NDUFS4: variants seen among roughly 807,000 people sequenced by gnomAD.
NDUFS4 encodes the protein NADH dehydrogenase [ubiquinone] iron-sulfur protein 4, mitochondrial.
In NDUFS4, 28 loss-of-function variants were observed where a neutral mutation model predicts 24.3. That is an observed-to-expected ratio of 1.15 (90% CI 0.85 to 1.58). NDUFS4 has a LOEUF of 1.58. Among genes scored for constraint, NDUFS4 ranks in the 40% most tolerant of loss-of-function variants. The pLI is 0.00. For missense variants in NDUFS4, 223 were observed against 207.9 expected (o/e 1.07, Z -0.45); for synonymous variants, 93 against 69.7 (o/e 1.34, Z -1.67).
chr5:53,602,008 A>T (rs1188440452), intron 1 of NDUFS4, among the ~76,000 whole-genome samples: 4 of 152,208 alleles, frequency 2.6e-5, no homozygotes, highest in Non-Finnish European at 4.4e-5. Flanking sequence ...GTTCAGTTCT[A>T]TTAACAATTT....
At chr5:53,590,709 T>C (rs569852015) in intron 1 of NDUFS4, among the ~76,000 whole-genome samples, 1 of 152,366 alleles carries the variant, frequency 6.6e-6, no homozygotes, top group South Asian at 2.1e-4. Flanking sequence ...TGTGTCTTTA[T>C]TGGTGTTGTA....
rs73754281 is a variant in NDUFS4, at chr5:53,653,153, T to A, written c.351-5398T>A. ...AAAATGTGACTTCTGTGTTAAATTT[T>A]AAAAATGTTTTTTTTGTTAGAAAAT... On this transcript the variant is annotated intron_variant, in intron 3 of 4. Coordinates refer to ENST00000296684, the MANE Select transcript of NDUFS4 (RefSeq NM_002495.4). Among the ~76,000 whole-genome samples the A allele has an allele frequency of 8.0e-3, 1,125 of 140,148 alleles. 16 individuals carry two copies. Among genetic ancestry groups the A allele is most frequent in the African/African-American group, 0.032 (1,074 of 33,508 alleles). The allele number at this position is 140,148 out of a possible 152,430, so 91.9% of individuals were successfully genotyped here. A position where few individuals can be genotyped will look rare whatever the true frequency, so the allele number is the denominator to read the frequency against.
intron 1 of NDUFS4, among the ~76,000 whole-genome samples, chr5:53,602,342 T>A (rs1413440135): frequency 6.6e-6 from 1 of 152,204 alleles, no homozygotes; most frequent in Non-Finnish European, 1.5e-5. Context: ...ACATTTTGTG[T>A]AGGTATATTT....
chr5:53,610,254 C>G (rs1750653790), intron 2 of NDUFS4, among the ~76,000 whole-genome samples: 1 of 152,008 alleles, frequency 6.6e-6, no homozygotes, highest in Non-Finnish European at 1.5e-5. Context: ...AATAGAGAGG[C>G]CCAAGGAAAG....
chr5:53,611,223 G>A (rs72751866), intron 2 of NDUFS4, among the ~76,000 whole-genome samples: 1 of 149,806 alleles, frequency 6.7e-6, no homozygotes, highest in Non-Finnish European at 1.5e-5. Context: ...TTTTTTCTGG[G>A]CATCAATTAT....
At chr5:53,596,287 G>T (rs1052135712) in intron 1 of NDUFS4, among the ~76,000 whole-genome samples, 8 of 151,928 alleles carry the variant, frequency 5.3e-5, no homozygotes, top group Admixed American at 1.3e-4. Flanking sequence ...CAAAAAATTA[G>T]CCGAGTGGGA....
chr5:53,676,612 AAGC>A lies in NDUFS4; in HGVS notation c.425-6501_425-6499del, dbSNP rs1740477372. On this transcript the variant is annotated intron_variant, in intron 4 of 4. Coordinates refer to ENST00000296684, the MANE Select transcript of NDUFS4 (RefSeq NM_002495.4). ...CATTTTAAACAGTGAAATTACCAAAAAGCAGCACAGAAATGCAAAATACTGGCA... is the reference window on the plus strand; with the variant it reads ...CATTTTAAACAGTGAAATTACCAAAAAGCACAGAAATGCAAAATACTGGCA... Among the ~76,000 whole-genome samples the A allele has an allele frequency of 3.9e-5, 6 of 152,306 alleles. No homozygotes were observed. In the South Asian group the frequency reaches 1.2e-3, roughly 32 times the overall value.
chr5:53,597,029 A>C (rs906705524), intron 1 of NDUFS4, among the ~76,000 whole-genome samples: 4 of 152,300 alleles, frequency 2.6e-5, no homozygotes, highest in African/African-American at 9.6e-5. Context: ...TTGCTTACAA[A>C]TGTACAATTT....
intron 2 of NDUFS4, among the ~76,000 whole-genome samples, chr5:53,635,814 G>A (rs1365857370): frequency 1.3e-5 from 2 of 151,976 alleles, no homozygotes; most frequent in Non-Finnish European, 2.9e-5. Flanking sequence ...AATGCAAAAA[G>A]GTGTTCTAAT....
At chr5:53,587,369 G>A (rs2112436906) in intron 1 of NDUFS4, among the ~76,000 whole-genome samples, 1 of 152,176 alleles carries the variant, frequency 6.6e-6, no homozygotes, top group Non-Finnish European at 1.5e-5. Context: ...GCAGAAAAGT[G>A]GAGTGCTGTG....
rs1491299426 is a variant in NDUFS4 at position 53,591,461 on chromosome 5, T to TA, written c.99-11991_99-11990insA. Among the ~76,000 whole-genome samples the TA allele has an allele frequency of 3.7e-5, 3 of 81,190 alleles. 1 individual carries two copies. The highest frequency in any genetic ancestry group is 2.8e-4 in the Admixed American group (2 of 7,194). The allele number at this position is 81,190 out of a possible 152,430, so 53.3% of individuals were successfully genotyped here. A position where few individuals can be genotyped will look rare whatever the true frequency, so the allele number is the denominator to read the frequency against. On this transcript the variant is annotated intron_variant, in intron 1 of 4. Coordinates refer to ENST00000296684, the MANE Select transcript of NDUFS4 (RefSeq NM_002495.4). ...CTTGCTACTTTTTGTTTGTTTTTTT[T>TA]GGGGGGGGGGGGTGATAATAACTAT...
At chr5:53,658,746 G>A (rs558252994) in intron 4 of NDUFS4, 122 bp downstream of exon 4, 8 of 586,984 alleles carry the variant, frequency 1.4e-5, no homozygotes, top group South Asian at 1.3e-4. Context: ...ATCTAATCCA[G>A]TGGTTTCAGA....
At chr5:53,611,467 G>A (rs533491936) in intron 2 of NDUFS4, among the ~76,000 whole-genome samples, 1 of 151,892 alleles carries the variant, frequency 6.6e-6, no homozygotes, top group East Asian at 1.9e-4. Flanking sequence ...ATTTTAGTTT[G>A]TTGTGTATAA....
intron 2 of NDUFS4, among the ~76,000 whole-genome samples, chr5:53,644,972 A>G (rs897600737): frequency 6.6e-6 from 1 of 152,104 alleles, no homozygotes; most frequent in Non-Finnish European, 1.5e-5. Context: ...CTAGCTAAGA[A>G]TACTTACCAG....
intron 2 of NDUFS4, among the ~76,000 whole-genome samples, chr5:53,631,583 C>T (rs968438448): frequency 3.3e-5 from 5 of 152,108 alleles, no homozygotes; most frequent in African/African-American, 1.2e-4. Flanking sequence ...GATGCCCTGC[C>T]CATAGAGGTG....
intron 2 of NDUFS4, among the ~76,000 whole-genome samples, chr5:53,644,148 T>G (rs1751781950): frequency 6.6e-6 from 1 of 152,184 alleles, no homozygotes; most frequent in Non-Finnish European, 1.5e-5. Context: ...TTTTAATCAC[T>G]TTGGCATATA....
At chr5:53,599,309 A>G (rs1359210285) in intron 1 of NDUFS4, among the ~76,000 whole-genome samples, 1 of 152,166 alleles carries the variant, frequency 6.6e-6, no homozygotes, top group Non-Finnish European at 1.5e-5. Context: ...GTTGGATCAT[A>G]GGATAATTCT....
intron 2 of NDUFS4, among the ~76,000 whole-genome samples, chr5:53,617,089 C>A (rs564428044): frequency 6.6e-6 from 1 of 152,192 alleles, no homozygotes; most frequent in Non-Finnish European, 1.5e-5. Flanking sequence ...AAAGATTTGT[C>A]ATAGTGGTAA....
At chr5:53,631,656 A>T (rs1248968251) in intron 2 of NDUFS4, among the ~76,000 whole-genome samples, 2 of 152,288 alleles carry the variant, frequency 1.3e-5, no homozygotes, top group African/African-American at 4.8e-5. Flanking sequence ...TGAACTTCCC[A>T]GCAGCATTGT....
Sources: allele counts gnomAD v4.1 joint callset (sites outside exome capture counted in the v4.1 genomes callset), GRCh38; gene constraint gnomAD v4.1.1; transcripts MANE v1.5; gene names NCBI Gene and HGNC (gene_info 2026-07-23, HGNC 2026-07-21).